The following BCAS3 variants were observed in gnomAD, a reference collection of about 807,000 sequenced individuals.
BCAS3 encodes BCAS4/BCAS3 fusion.
In BCAS3, 53 loss-of-function variants were observed where a neutral mutation model predicts 116.1. The ratio of observed to expected loss-of-function variants is 0.46; its 90% CI spans 0.37 to 0.57. The LOEUF (loss-of-function observed/expected upper bound fraction) is 0.57. BCAS3 is among the 20% of genes least tolerant of loss of function. The pLI, the probability that BCAS3 is intolerant of heterozygous loss-of-function variation, is 0.00. For missense variants in BCAS3, 917 were observed against 1,165.4 expected, an observed-to-expected ratio of 0.79 and a Z score of 3.10; for synonymous variants, 391 against 408.2, an observed-to-expected ratio of 0.96 and a Z score of 0.51.
At chr17:60,820,694 A>G (rs552254303) in intron 7 of BCAS3, among the ~76,000 whole-genome samples, 2 of 152,334 alleles carry the variant, frequency 1.3e-5, no homozygotes, top group East Asian at 3.9e-4. Context: ...AAAAAGACAA[A>G]GATGCCCTGA....
rs1185241365 is a variant in BCAS3, at chr17:61,065,434, A to G, written c.2030-9486A>G. On this transcript the variant is annotated intron_variant, in intron 19 of 23. Coordinates refer to ENST00000407086, the MANE Select transcript of BCAS3 (RefSeq NM_017679.5). The surrounding 1 kb of genome is among the most constrained non-coding windows in gnomAD (Gnocchi z 4.8). Reference sequence around the variant, plus strand: ...GGCTGCTATATAAATGCTGTTTTTAATAAGCACCAAAAATATATTGAGGTT... The same window carrying G: ...GGCTGCTATATAAATGCTGTTTTTAGTAAGCACCAAAAATATATTGAGGTT... Among the ~76,000 whole-genome samples, 1 of 152,204 alleles carries G rather than the reference A, an allele frequency of 6.6e-6. No homozygotes were observed. The highest frequency in any genetic ancestry group is 2.4e-5 in the African/African-American group (1 of 41,448).
At chr17:61,091,732 C>T (rs79891387) in intron 22 of BCAS3, among the ~76,000 whole-genome samples, 6,264 of 152,188 alleles carry the variant, frequency 0.041, 463 homozygotes, top group African/African-American at 0.14. Context: ...ATAGTTGTTC[C>T]AGAGAAAAGT....
At chr17:60,758,101 C>T (rs1054639382) in intron 6 of BCAS3, among the ~76,000 whole-genome samples, 1 of 152,104 alleles carries the variant, frequency 6.6e-6, no homozygotes, top group Non-Finnish European at 1.5e-5. Context: ...CTATTCTGTT[C>T]CATTGGTCTA....
intron 5 of BCAS3, among the ~76,000 whole-genome samples, chr17:60,738,611 A>G (rs970707966): frequency 3.9e-5 from 6 of 152,164 alleles, no homozygotes; most frequent in African/African-American, 1.2e-4. Context: ...GATTTCTTCT[A>G]TACAACATAC....
intron 4 of BCAS3, among the ~76,000 whole-genome samples, chr17:60,705,943 G>A (rs1285871306): frequency 6.6e-6 from 1 of 152,142 alleles, no homozygotes; most frequent in Non-Finnish European, 1.5e-5. Flanking sequence ...GAGTGTGCCT[G>A]CCTCTATTGC....
At chr17:61,330,041 A>G (rs941132441) in intron 22 of BCAS3, among the ~76,000 whole-genome samples, 3 of 152,182 alleles carry the variant, frequency 2.0e-5, no homozygotes, top group African/African-American at 4.8e-5. Context: ...AAGTAAACCA[A>G]TGTTGCAGTA....
chr17:61,177,245 G>C (rs141472894), intron 22 of BCAS3, among the ~76,000 whole-genome samples: 1 of 152,078 alleles, frequency 6.6e-6, no homozygotes, highest in Admixed American at 6.6e-5. Context: ...TATAAGAACC[G>C]TACATGAAAG....
rs2061242015 is a variant in BCAS3, at chr17:60,958,260, AAGAACTACCGTC to A, written c.1221+10912_1221+10923del. 2.0e-5 allele frequency among the ~76,000 whole-genome samples: 3 copies of A among 152,368 alleles called. No homozygotes were observed. The South Asian group carries it at 6.2e-4, about 32-fold the overall frequency. ...TGCAGAGGAGACATGCGAACAAAGA[AAGAACTACCGTC>A]AGATCAGAAAGGCAAGAGTAAAACT... On this transcript the variant is annotated intron_variant, in intron 14 of 23. Transcript: ENST00000407086.
At position 61,316,755 on chromosome 17, in the gene BCAS3, C is replaced by T. The variant is rs1358503324; in HGVS notation, c.2426-51572C>T. On this transcript the variant is annotated intron_variant, in intron 22 of 23. Coordinates refer to ENST00000407086, the MANE Select transcript of BCAS3 (RefSeq NM_017679.5). This position sits in a 1 kb window ranked among gnomAD's most constrained non-coding sequence, Gnocchi z 5.8. ...TGATGTGGCTCCTTCCTTTTTTAGTCAAACATCTGCTCAACTGTATGTGCT... is the reference window on the plus strand; with the variant it reads ...TGATGTGGCTCCTTCCTTTTTTAGTTAAACATCTGCTCAACTGTATGTGCT... Among the ~76,000 whole-genome samples, 1 of 152,164 alleles carries T rather than the reference C, an allele frequency of 6.6e-6. No homozygotes were observed. Among genetic ancestry groups the T allele is most frequent in the Non-Finnish European group, 1.5e-5 (1 of 68,020 alleles).
At position 61,051,599 on chromosome 17, in the gene BCAS3, CTTGTT is replaced by C. The variant is rs1170660356; in HGVS notation, c.2029+10710_2029+10714del. ...ATCTTTAATCATTTCAAAATAAAAA[CTTGTT>C]TTCTTTTAATGGTGATAGGGTCTTA... On this transcript the variant is annotated intron_variant, in intron 19 of 23. Transcript: ENST00000407086. This position sits in a 1 kb window ranked among gnomAD's most constrained non-coding sequence, Gnocchi z 4.1. 2.0e-5 allele frequency among the ~76,000 whole-genome samples: 3 copies of C among 152,072 alleles called. No individual in the cohort carries two copies. Among genetic ancestry groups the C allele is most frequent in the Non-Finnish European group, 4.4e-5 (3 of 68,006 alleles).
At chr17:60,700,009 C>A (rs558929150) in intron 4 of BCAS3, among the ~76,000 whole-genome samples, 1 of 151,758 alleles carries the variant, frequency 6.6e-6, no homozygotes, top group African/African-American at 2.4e-5. Flanking sequence ...CCCATCTCTA[C>A]AAAAAAATTA....
intron 6 of BCAS3, among the ~76,000 whole-genome samples, chr17:60,772,625 A>G (rs886954766): frequency 1.3e-5 from 2 of 152,184 alleles, no homozygotes; most frequent in African/African-American, 4.8e-5. Context: ...TACACCTGTA[A>G]TCCCAGCTCT....
At chr17:61,263,115 C>A (rs2049372967) in intron 22 of BCAS3, among the ~76,000 whole-genome samples, 1 of 152,206 alleles carries the variant, frequency 6.6e-6, no homozygotes, top group Non-Finnish European at 1.5e-5. Flanking sequence ...ACCAATGGCA[C>A]ACACAGAAGT....
chr17:60,882,609 G>A (rs2056274889), intron 9 of BCAS3, among the ~76,000 whole-genome samples: 1 of 151,728 alleles, frequency 6.6e-6, no homozygotes, highest in Non-Finnish European at 1.5e-5. Flanking sequence ...ATCTTGAATT[G>A]ATTTTTGTAT....
At chr17:60,758,547 A>G (rs2043209858) in intron 6 of BCAS3, among the ~76,000 whole-genome samples, 1 of 151,898 alleles carries the variant, frequency 6.6e-6, no homozygotes, top group Non-Finnish European at 1.5e-5. Flanking sequence ...CTCCTGGCTA[A>G]TTTTTGTATT....
chr17:61,080,945 G>A (rs1367146239), intron 21 of BCAS3, among the ~76,000 whole-genome samples: 1 of 151,972 alleles, frequency 6.6e-6, no homozygotes, highest in Admixed American at 6.5e-5. Flanking sequence ...TGACCAAGAT[G>A]TCAGGTAATA....
chr17:60,972,208 C>T (rs893373362), intron 14 of BCAS3, among the ~76,000 whole-genome samples: 1 of 152,108 alleles, frequency 6.6e-6, no homozygotes, highest in African/African-American at 2.4e-5. Context: ...ATATATTCAC[C>T]AACATAAGTC....
At chr17:61,009,933 G>T (rs1041059468) in intron 15 of BCAS3, among the ~76,000 whole-genome samples, 7 of 151,944 alleles carry the variant, frequency 4.6e-5, no homozygotes, top group Non-Finnish European at 1.0e-4. Flanking sequence ...TTCCACAAAT[G>T]TCCAAGTTTG....
chr17:61,322,830 CAGAGAGAG>C (rs1237128472), intron 22 of BCAS3, among the ~76,000 whole-genome samples: 3,638 of 75,538 alleles, frequency 0.048, 188 homozygotes, highest in African/African-American at 0.17. Flanking sequence ...GAGAGAGAGA[CAGAGAGAG>C]AGAGAGAGAG....
Sources: allele counts gnomAD v4.1 joint callset (sites outside exome capture counted in the v4.1 genomes callset), GRCh38; gene constraint gnomAD v4.1.1; non-coding constraint Gnocchi (gnomAD v3.1); transcripts MANE v1.5; gene names NCBI Gene and HGNC (gene_info 2026-07-23, HGNC 2026-07-21).